The following NCAM2 variants were observed in gnomAD, a reference collection of about 807,000 sequenced individuals.
NCAM2 encodes the protein neural cell adhesion molecule 2, also known as N-CAM-2.
NCAM2 carries 30 observed loss-of-function variants against 98.1 expected under a neutral mutation model. The ratio of observed to expected loss-of-function variants is 0.31; its 90% confidence interval spans 0.23 to 0.41. The LOEUF (loss-of-function observed/expected upper bound fraction) is 0.41, where lower values mean the gene tolerates loss of function less well. NCAM2 is among the 10% of genes least tolerant of loss of function. The probability of loss-of-function intolerance (pLI) is 1.00; values close to 1 mark genes in which losing one functional copy is unlikely to be tolerated. For synonymous variants in NCAM2, 368 were observed against 342.4 expected (o/e 1.07, Z -0.83); for missense variants, 867 against 1,005.8 (o/e 0.86, Z 1.87).
chr21:21,258,452 A>G (rs1191667177), intron 1 of NCAM2, among the ~76,000 whole-genome samples: 1 of 152,314 alleles, frequency 6.6e-6, no homozygotes, highest in East Asian at 1.9e-4. Context: ...AGAGTCTGGT[A>G]GAGATTGACT....
intron 5 of NCAM2, among the ~76,000 whole-genome samples, chr21:21,318,363 G>T (rs1016071244): frequency 2.0e-5 from 3 of 152,026 alleles, no homozygotes; most frequent in African/African-American, 7.2e-5. Flanking sequence ...ACTGTGGAAA[G>T]ACTTCTTTTG....
At chr21:21,249,877 T>C (rs1601763777) in intron 1 of NCAM2, among the ~76,000 whole-genome samples, 1 of 152,302 alleles carries the variant, frequency 6.6e-6, no homozygotes. Context: ...CGGTAAAATA[T>C]GACGTCTGAT....
chr21:21,437,638 C>T (rs2146061314), intron 12 of NCAM2, among the ~76,000 whole-genome samples: 1 of 152,136 alleles, frequency 6.6e-6, no homozygotes, highest in Middle Eastern at 3.4e-3. Flanking sequence ...ACATCAGAGA[C>T]CCATGCAAAA....
At chr21:21,351,117 CAAAAAAAAAAAAAA>C (rs61586915) in intron 8 of NCAM2, among the ~76,000 whole-genome samples, 2 of 83,754 alleles carry the variant, frequency 2.4e-5, no homozygotes, top group Non-Finnish European at 4.3e-5. Flanking sequence ...GACTCTGTCT[CAAAAAAAAAAAAAA>C]AAAAAAAAAA....
intron 16 of NCAM2, among the ~76,000 whole-genome samples, chr21:21,525,380 A>G (rs1989267112): frequency 6.6e-6 from 1 of 152,138 alleles, no homozygotes; most frequent in African/African-American, 2.4e-5. Flanking sequence ...ATAAAGTAAT[A>G]CCATGAGCAC....
intron 1 of NCAM2, among the ~76,000 whole-genome samples, chr21:21,103,023 G>A (rs923116566): frequency 3.9e-5 from 6 of 151,960 alleles, no homozygotes; most frequent in Non-Finnish European, 2.9e-5. Flanking sequence ...ATTCATTCTT[G>A]TGAATCAACA....
At chr21:21,057,194 T>C (rs1299586127) in intron 1 of NCAM2, among the ~76,000 whole-genome samples, 4 of 152,088 alleles carry the variant, frequency 2.6e-5, no homozygotes, top group African/African-American at 9.7e-5. Context: ...AAACTTCATC[T>C]TTAAACATTG....
chr21:21,347,325 T>G (rs376012020), intron 8 of NCAM2, among the ~76,000 whole-genome samples: 1 of 151,878 alleles, frequency 6.6e-6, no homozygotes, highest in Non-Finnish European at 1.5e-5. Context: ...TTTCTAAAAT[T>G]TATATAGAAC....
chr21:21,512,831 A>G (rs1208637798), intron 16 of NCAM2, among the ~76,000 whole-genome samples: 1 of 151,990 alleles, frequency 6.6e-6, no homozygotes, highest in Non-Finnish European at 1.5e-5. Flanking sequence ...TAGGTATTTC[A>G]ATTTATTTGA....
In NCAM2 at chr21:21,499,621, T is replaced by A. The variant is rs76606385; in HGVS notation, c.2078-9230T>A. Reference sequence around the variant, plus strand: ...TTGTATAAAAGTGGAGAAGTTCTAGTTTAAAAAAAAATACTGCTATAAGCA... The same window carrying A: ...TTGTATAAAAGTGGAGAAGTTCTAGATTAAAAAAAAATACTGCTATAAGCA... On this transcript the variant is annotated intron_variant, in intron 15 of 17. Coordinates refer to ENST00000400546, the MANE Select transcript of NCAM2 (RefSeq NM_004540.5). Among the ~76,000 whole-genome samples, 492 of 152,194 alleles carry A rather than the reference T, an allele frequency of 3.2e-3. 2 individuals are homozygous for A. The highest frequency in any genetic ancestry group is 0.011 in the African/African-American group (476 of 41,532).
At chr21:21,340,471 T>C (rs573424850) in intron 8 of NCAM2, among the ~76,000 whole-genome samples, 1 of 151,900 alleles carries the variant, frequency 6.6e-6, no homozygotes, top group Non-Finnish European at 1.5e-5. Context: ...CTGTGAAAAA[T>C]AATCTTAAAG....
intron 1 of NCAM2, among the ~76,000 whole-genome samples, chr21:21,041,041 A>G (rs915804347): frequency 6.6e-6 from 1 of 152,198 alleles, no homozygotes; most frequent in Non-Finnish European, 1.5e-5. Context: ...TTGCCCATAA[A>G]TATGGACAAT....
intron 1 of NCAM2, among the ~76,000 whole-genome samples, chr21:21,214,746 T>TATATATATATATACAC (rs11268201): frequency 0.016 from 1,619 of 100,470 alleles, 25 homozygotes; most frequent in Non-Finnish European, 0.022. Flanking sequence ...TATATATATA[T>TATATATATATATACAC]ACACTATATA....
At chr21:21,425,098 C>T (rs1343963507) in intron 11 of NCAM2, among the ~76,000 whole-genome samples, 1 of 113,340 alleles carries the variant, frequency 8.8e-6, no homozygotes, top group Non-Finnish European at 1.9e-5. Context: ...GTCTGGTATA[C>T]AACGAGGGAA....
intron 1 of NCAM2, among the ~76,000 whole-genome samples, chr21:21,005,638 G>C (rs967214009): frequency 2.6e-5 from 4 of 151,958 alleles, no homozygotes; most frequent in Non-Finnish European, 5.9e-5. Flanking sequence ...TACTTTAAAT[G>C]TTGTGTAGTA....
intron 1 of NCAM2, among the ~76,000 whole-genome samples, chr21:21,269,243 G>T (rs2072406293): frequency 6.6e-6 from 1 of 152,046 alleles, no homozygotes; most frequent in Non-Finnish European, 1.5e-5. Flanking sequence ...AATATAAAGA[G>T]CTCCTGCAAC....
chr21:21,178,390 A>G (rs981770364), intron 1 of NCAM2, among the ~76,000 whole-genome samples: 1 of 152,146 alleles, frequency 6.6e-6, no homozygotes, highest in African/African-American at 2.4e-5. Flanking sequence ...TAATCCAAAC[A>G]TTCAGATTTT....
At chr21:21,406,803 A>G (rs2145896993) in intron 9 of NCAM2, among the ~76,000 whole-genome samples, 1 of 152,334 alleles carries the variant, frequency 6.6e-6, no homozygotes, top group African/African-American at 2.4e-5. Context: ...TGCTTCCATA[A>G]CTTCATATTT....
intron 1 of NCAM2, among the ~76,000 whole-genome samples, chr21:21,075,366 CA>C (rs1280663813): frequency 6.6e-6 from 1 of 152,090 alleles, no homozygotes; most frequent in African/African-American, 2.4e-5. Flanking sequence ...CAAAGAAATA[CA>C]GTTCATTTTC....
Sources: gnomAD v4.1 joint callset for allele counts (sites outside exome capture counted in the v4.1 genomes callset) on GRCh38, gnomAD v4.1.1 for gene constraint, MANE v1.5 for transcripts, NCBI Gene and HGNC (gene_info 2026-07-23, HGNC 2026-07-21) for gene names.